Variants in TMC2 observed in about 807,000 individuals in gnomAD.
TMC2 encodes transmembrane channel-like protein 2.
TMC2 carries 102 observed loss-of-function variants against 105.9 expected under a neutral mutation model. The ratio of observed to expected loss-of-function variants is 0.96; its 90% CI spans 0.82 to 1.14. The LOEUF (loss-of-function observed/expected upper bound fraction) is 1.14, where lower values mean the gene tolerates loss of function less well. Ranked by LOEUF, TMC2 falls within the 50% of genes most tolerant of loss-of-function variation. TMC2 has a pLI of 0.00. For synonymous variants in TMC2, 402 were observed against 422.8 expected, an observed-to-expected ratio of 0.95 and a Z score of 0.60; for missense variants, 1,093 against 1,134.3, an observed-to-expected ratio of 0.96 and a Z score of 0.52.
intron 17 of TMC2, among the ~76,000 whole-genome samples, chr20:2,629,050 C>T (rs1022557962): frequency 5.9e-5 from 9 of 151,636 alleles, no homozygotes; most frequent in African/African-American, 1.7e-4. Flanking sequence ...TGCAGTGAGC[C>T]GAGATCGCGC....
At chr20:2,567,315 CT>C (rs775422853) in intron 4 of TMC2, among the ~76,000 whole-genome samples, 73 of 152,188 alleles carry the variant, frequency 4.8e-4, no homozygotes, top group South Asian at 2.1e-4. Flanking sequence ...TCACCCCCAC[CT>C]GGAAGTAATC....
At chr20:2,572,491 C>T (rs1009288877) in intron 5 of TMC2, among the ~76,000 whole-genome samples, 2 of 152,210 alleles carry the variant, frequency 1.3e-5, no homozygotes, top group Non-Finnish European at 2.9e-5. Context: ...ACATTTGAGA[C>T]TTGTCTTCTC....
intron 11 of TMC2, among the ~76,000 whole-genome samples, chr20:2,604,614 G>A (rs1396266612): frequency 6.6e-6 from 1 of 152,104 alleles, no homozygotes; most frequent in Non-Finnish European, 1.5e-5. Flanking sequence ...CTGGTTGCTG[G>A]AAGCTCCTGG....
intron 4 of TMC2, among the ~76,000 whole-genome samples, chr20:2,570,027 T>C (rs2086092264): frequency 6.6e-6 from 1 of 152,134 alleles, no homozygotes; most frequent in Non-Finnish European, 1.5e-5. Context: ...GTGAAATTCA[T>C]ACTGAATGGG....
At position 2,579,169 on chromosome 20, in the gene TMC2, CTT is replaced by C. The variant is rs1360025150; in HGVS notation, c.671_672del (p.Phe224Ter). The C allele has an allele frequency of 1.3e-6, 2 of 1,594,846 alleles. No individual in the cohort carries two copies. The highest frequency in any genetic ancestry group is 1.7e-6 in the Non-Finnish European group (2 of 1,162,896). On this transcript the variant is annotated frameshift_variant, in exon 6 of 20. Coordinates refer to ENST00000358864, the MANE Select transcript of TMC2 (RefSeq NM_080751.3). LOFTEE classifies it high-confidence loss of function. ...AGAAATGGGTCAAATTTAAGAGAGA[CTT>C]TGATAATTTCAAGACTCAATGTATC... ...AKKWVKFKRD[F>X]DNFKTQCIPW...
intron 18 of TMC2, 128 bp from the exon 19 acceptor site, chr20:2,637,346 C>A: frequency 1.6e-6 from 1 of 606,206 alleles, no homozygotes; most frequent in South Asian, 2.0e-5. Context: ...CGAGTTCACG[C>A]CGCTGCACTC....
At chr20:2,613,371 T>C in intron 14 of TMC2, 49 bp downstream of exon 14, 1 of 1,612,734 alleles carries the variant, frequency 6.2e-7, no homozygotes. Context: ...TTCAACTATC[T>C]TCTTTGATAC....
intron 16 of TMC2, among the ~76,000 whole-genome samples, chr20:2,619,162 C>G (rs1424099312): frequency 2.0e-5 from 3 of 152,166 alleles, no homozygotes; most frequent in Non-Finnish European, 2.9e-5. Flanking sequence ...GAGACAAATG[C>G]AGTTTGTCGG....
intron 4 of TMC2, among the ~76,000 whole-genome samples, chr20:2,563,005 A>G (rs2086038194): frequency 6.6e-6 from 1 of 151,930 alleles, no homozygotes; most frequent in African/African-American, 2.4e-5. Flanking sequence ...ATACTTTTTG[A>G]GTTTCTGCTA....
At chr20:2,565,523 C>G (rs758266903) in intron 4 of TMC2, among the ~76,000 whole-genome samples, 1 of 152,136 alleles carries the variant, frequency 6.6e-6, no homozygotes, top group Middle Eastern at 3.2e-3. Flanking sequence ...GATTACAGAG[C>G]CTGCTCTCTT....
rs777957531 is a variant in TMC2 at position 2,616,093 on chromosome 20, T to C, written c.1873-44T>C. On this transcript the variant is annotated intron_variant, in intron 14 of 19. Transcript: ENST00000358864. The surrounding 1 kb of genome is among the most constrained non-coding windows in gnomAD (Gnocchi z 4.8). ...GTTTGGCTGAATTCACCAAACGTGC[T>C]TTTTTTTTTCTCTCTCTCTCTCGCT... is the stretch of plus-strand genomic sequence containing the variant. 4.6e-5 allele frequency: 52 copies of C among 1,134,506 alleles called. No homozygotes were observed. Among genetic ancestry groups the C allele is most frequent in the South Asian group, 2.8e-4 (15 of 53,362 alleles). 70.3% of individuals were successfully genotyped at this position (1,134,506 alleles called of 1,614,324 possible). A position where few individuals can be genotyped will look rare whatever the true frequency, so the allele number is the denominator to read the frequency against.
intron 19 of TMC2, 126 bp from the exon 20 acceptor site, chr20:2,641,008 C>T: frequency 1.3e-6 from 1 of 787,398 alleles, no homozygotes; most frequent in East Asian, 2.5e-5. Context: ...TGAGTGCAAT[C>T]CGACAGCTCT....
rs1458755488 is a variant in TMC2, at chr20:2,558,506, G to A, written c.133G>A (p.Gly45Arg). The change falls in exon 3 of 20, where the codon GGG becomes AGG. Residue 45 changes from glycine (G) to arginine (R), a missense_variant. Transcript: ENST00000358864. The surrounding 1 kb of genome is among the most constrained non-coding windows in gnomAD (Gnocchi z 4.6). ...SSSKRALKAE[G>R]TPGRRGAQRS... ...AAGCAAGCGGGCTCTCAAAGCCGAG[G>A]GGACCCCAGGCAGGCGCGGAGCTCA... 5.1e-6 allele frequency: 8 copies of A among 1,558,442 alleles called. No homozygotes were observed. Among genetic ancestry groups the A allele is most frequent in the Non-Finnish European group, 6.9e-6 (8 of 1,151,226 alleles).
chr20:2,616,509 A>G lies in TMC2; in HGVS notation c.1940+305A>G, dbSNP rs1042475487. ...AAAAGGGAAGAAGGAAGAAAGACAA[A>G]GGAAAGGGAAAAGGAAGGAGTAAAG... On this transcript the variant is annotated intron_variant, in intron 15 of 19. Transcript: ENST00000358864. This position sits in a 1 kb window ranked among gnomAD's most constrained non-coding sequence, Gnocchi z 4.8. 1.3e-5 allele frequency among the ~76,000 whole-genome samples: 2 copies of G among 150,510 alleles called. No homozygotes were observed. Among genetic ancestry groups the G allele is most frequent in the African/African-American group, 5.0e-5 (2 of 40,160 alleles).
intron 11 of TMC2, among the ~76,000 whole-genome samples, chr20:2,606,884 C>CTTTTTTTTTTTTTTTTTTTTTTTTTTT (rs1276064402): frequency 1.1e-5 from 1 of 88,258 alleles, no homozygotes; most frequent in African/African-American, 6.0e-5. Flanking sequence ...CCCTTAATTT[C>CTTTTTTTTTTTTTTTTTTTTTTTTTTT]TTTTTTCTTT....
Position 2,612,226 on chromosome 20 carries a change from C to A in TMC2, c.1629C>A (p.His543Gln). The change falls in exon 13 of 20, where the codon CAC becomes CAA. Residue 543 changes from histidine to glutamine, a missense_variant. His to Gln is a conservative substitution (Grantham distance 24). Coordinates refer to ENST00000358864, the MANE Select transcript of TMC2 (RefSeq NM_080751.3). ...AAGAGACAATAAAGAACATCACTCACTGGACTCTGTTTAACTATTACAACT... is the reference window on the plus strand; with the variant it reads ...AAGAGACAATAAAGAACATCACTCAATGGACTCTGTTTAACTATTACAACT... The part of the protein sequence containing the change: ...ANEETIKNIT[H>Q]WTLFNYYNSS... The A allele has an allele frequency of 6.2e-7, 1 of 1,611,198 alleles. No individual in the cohort carries two copies. The highest frequency in any genetic ancestry group is 1.1e-5 in the South Asian group (1 of 90,098).
At chr20:2,629,611 T>C (rs2086589453) in intron 17 of TMC2, among the ~76,000 whole-genome samples, 1 of 151,316 alleles carries the variant, frequency 6.6e-6, no homozygotes, top group Non-Finnish European at 1.5e-5. Context: ...CTTGTGCAAA[T>C]TTTTTAAAGG....
intron 5 of TMC2, among the ~76,000 whole-genome samples, chr20:2,574,601 T>G (rs2086129776): frequency 6.6e-6 from 1 of 152,260 alleles, no homozygotes; most frequent in South Asian, 2.1e-4. Context: ...TGAGACCATT[T>G]CAATAATTCA....
At chr20:2,605,477 AG>A (rs1305617861) in intron 11 of TMC2, among the ~76,000 whole-genome samples, 1 of 151,948 alleles carries the variant, frequency 6.6e-6, no homozygotes, top group Non-Finnish European at 1.5e-5. Context: ...GTGCATGGAG[AG>A]AGAGAGAGAG....
Sources: gnomAD v4.1 joint callset for allele counts (sites outside exome capture counted in the v4.1 genomes callset) on GRCh38, gnomAD v4.1.1 for gene constraint, Gnocchi (gnomAD v3.1) non-coding constraint, MANE v1.5 for transcripts, NCBI Gene and HGNC (gene_info 2026-07-23, HGNC 2026-07-21) for gene names.